TCP11L2: variants seen among roughly 807,000 people sequenced by gnomAD.
TCP11L2 encodes t-complex 11 like 2, also known as T-complex protein 11-like protein 2.
In TCP11L2, 39 loss-of-function variants were observed where a neutral mutation model predicts 50.7. That is an observed-to-expected ratio of 0.77 (90% CI 0.60 to 1.01). The LOEUF is 1.01. TCP11L2 is among the 50% of genes least tolerant of loss of function. TCP11L2 has a pLI of 0.00. For missense variants in TCP11L2, 612 were observed against 614.7 expected, an observed-to-expected ratio of 1.00 and a Z score of 0.05; for synonymous variants, 192 against 219.3, an observed-to-expected ratio of 0.88 and a Z score of 1.10.
At chr12:106,342,070 G>T (rs1434187862) in intron 9 of TCP11L2, among the ~76,000 whole-genome samples, 1 of 152,194 alleles carries the variant, frequency 6.6e-6, no homozygotes, top group Admixed American at 6.5e-5. Flanking sequence ...GTACAAAGCA[G>T]TTGTCTACTA....
intron 3 of TCP11L2, among the ~76,000 whole-genome samples, chr12:106,317,841 C>T (rs534518988): frequency 3.3e-5 from 5 of 152,184 alleles, no homozygotes; most frequent in African/African-American, 1.2e-4. Flanking sequence ...TGAGCTCTTC[C>T]TAGGAAGGCT....
intron 3 of TCP11L2, among the ~76,000 whole-genome samples, chr12:106,316,517 A>C (rs1474185862): frequency 6.6e-6 from 1 of 151,868 alleles, no homozygotes; most frequent in Non-Finnish European, 1.5e-5. Flanking sequence ...CTTCTTTTTG[A>C]ATGTTCTTTT....
intron 2 of TCP11L2, chr12:106,312,194 T>TACTTTAC (rs1252112806): frequency 2.6e-6 from 1 of 389,674 alleles, no homozygotes; most frequent in Non-Finnish European, 4.9e-6. Context: ...GAATACTTAT[T>TACTTTAC]ACTTTACCAA....
At position 106,341,018 on chromosome 12, in the gene TCP11L2, T is replaced by G. The variant is rs755680207; in HGVS notation, c.1315+20T>G. 1.3e-6 allele frequency: 2 copies of G among 1,581,706 alleles called. No individual in the cohort carries two copies. The highest frequency in any genetic ancestry group is 1.4e-5 in the African/African-American group (1 of 73,448). ...TGATTGGTGAGTCCTTTTATTGATT[T>G]CTGCTTCAATTCCAATTTGCTTTAA... On this transcript the variant is annotated intron_variant, in intron 9 of 9. Coordinates refer to ENST00000299045, the MANE Select transcript of TCP11L2 (RefSeq NM_152772.3).
Position 106,318,448 on chromosome 12 carries a change from T to A in TCP11L2, c.398T>A (p.Phe133Tyr), listed in dbSNP as rs1378714556. The A allele has an allele frequency of 6.2e-7, 1 of 1,613,796 alleles. No homozygotes were observed. The highest frequency in any genetic ancestry group is 8.5e-7 in the Non-Finnish European group (1 of 1,179,832). The part of the protein sequence containing the change: ...PPEFEHAIKL[F>Y]EEIREILLSF... ...GAGTTTGAACATGCCATCAAACTGT[T>A]TGAAGAAATCAGAGAGGCAAGTTGC... Residue 133 changes from phenylalanine to tyrosine, a missense_variant, in exon 4 of 10, where the codon TTT (phenylalanine) becomes TAT (tyrosine). Physicochemically the swap from Phe to Tyr is conservative, Grantham distance 22 (BLOSUM62 3). Coordinates refer to ENST00000299045, the MANE Select transcript of TCP11L2 (RefSeq NM_152772.3).
chr12:106,338,123 A>T (rs1481147153), intron 8 of TCP11L2, among the ~76,000 whole-genome samples: 1 of 152,204 alleles, frequency 6.6e-6, no homozygotes, highest in Non-Finnish European at 1.5e-5. Context: ...ACTTTTTTTG[A>T]AGAGCTGAAA....
At chr12:106,326,140 A>G (rs2035537844) in intron 6 of TCP11L2, among the ~76,000 whole-genome samples, 2 of 152,158 alleles carry the variant, frequency 1.3e-5, no homozygotes, top group Non-Finnish European at 1.5e-5. Context: ...ATTAACCACT[A>G]TTTAAGGCTG....
chr12:106,345,491 G>T (rs1192285548), intron 9 of TCP11L2, among the ~76,000 whole-genome samples: 1 of 152,192 alleles, frequency 6.6e-6, no homozygotes, highest in Non-Finnish European at 1.5e-5. Context: ...ATTTCTATGT[G>T]AAATCTCCTG....
chr12:106,302,611 TCTCTGGTTCAAA>T (rs932172623), upstream of TCP11L2, among the ~76,000 whole-genome samples: 1 of 151,564 alleles, frequency 6.6e-6, no homozygotes, highest in African/African-American at 2.4e-5. Context: ...GTTCTCGGCC[TCTCTGGTTCAAA>T]CTGACGAAGA....
chr12:106,335,696 C>T lies in TCP11L2; in HGVS notation c.830C>T (p.Ser277Phe). Residue 277 changes from serine to phenylalanine, a missense_variant, in exon 7 of 10, where the codon TCT becomes TTT. Transcript: ENST00000299045. Reference sequence around the variant, plus strand: ...GAATCTGTAAATGAAGAATTATTTTCTCTTTCTGAGAGTGCTTTAACTCCT... The same window carrying T: ...GAATCTGTAAATGAAGAATTATTTTTTCTTTCTGAGAGTGCTTTAACTCCT... ...IKESVNEELF[S>F]LSESALTPGA... is the part of the protein sequence containing the mutation. 2 of 1,614,178 alleles carry T rather than the reference C, an allele frequency of 1.2e-6. No homozygotes were observed. The highest frequency in any genetic ancestry group is 1.7e-6 in the Non-Finnish European group (2 of 1,180,034).
At chr12:106,301,042 T>A (rs76657992), upstream of TCP11L2, among the ~76,000 whole-genome samples, 1 of 152,204 alleles carries the variant, frequency 6.6e-6, no homozygotes, top group African/African-American at 2.4e-5. Flanking sequence ...TGGGTGTTCA[T>A]CTTTCTATTG....
At position 106,323,775 on chromosome 12, in the gene TCP11L2, A is replaced by G. The variant is rs187500023; in HGVS notation, c.772+129A>G. On this transcript the variant is annotated intron_variant, in intron 6 of 9. Coordinates refer to ENST00000299045, the MANE Select transcript of TCP11L2 (RefSeq NM_152772.3). ...ATAAATAAAATTTAATTTAATTTAAATTAATTAAAATTTAAAATGTTAAAG... is the reference window on the plus strand; with the variant it reads ...ATAAATAAAATTTAATTTAATTTAAGTTAATTAAAATTTAAAATGTTAAAG... The G allele has an allele frequency of 8.2e-4, 390 of 476,730 alleles. 1 individual carries two copies. Among genetic ancestry groups the G allele is most frequent in the African/African-American group, 7.3e-3 (357 of 49,072 alleles). 29.5% of individuals were successfully genotyped at this position (476,730 alleles called of 1,614,324 possible). A position where few individuals can be genotyped will look rare whatever the true frequency, so the allele number is the denominator to read the frequency against.
At chr12:106,328,400 C>T (rs775496301) in intron 6 of TCP11L2, among the ~76,000 whole-genome samples, 6 of 152,084 alleles carry the variant, frequency 3.9e-5, no homozygotes, top group Non-Finnish European at 5.9e-5. Flanking sequence ...AAAAATTAGC[C>T]GGGTGTGGTG....
intron 2 of TCP11L2, 33 bp from the exon 3 acceptor site, chr12:106,314,325 T>G: frequency 1.3e-6 from 2 of 1,589,466 alleles, no homozygotes; most frequent in Non-Finnish European, 1.7e-6. Context: ...ACTTTTCTTC[T>G]GCAACATTAA....
intron 8 of TCP11L2, among the ~76,000 whole-genome samples, chr12:106,339,783 A>C (rs1451308040): frequency 1.3e-5 from 2 of 152,234 alleles, no homozygotes; most frequent in Non-Finnish European, 2.9e-5. Flanking sequence ...GGAAGGTAAA[A>C]ATTTTATTAC....
intron 6 of TCP11L2, chr12:106,330,295 G>A (rs1269638902): frequency 2.0e-6 from 2 of 985,140 alleles, no homozygotes; most frequent in African/African-American, 1.7e-5. Flanking sequence ...ACTACTTAGA[G>A]CAAAAGTAAA....
intron 6 of TCP11L2, among the ~76,000 whole-genome samples, chr12:106,333,688 G>T (rs187420374): frequency 3.5e-4 from 53 of 152,074 alleles, no homozygotes; most frequent in Middle Eastern, 3.4e-3. Context: ...ATTATAAAAA[G>T]TAAAGGTAAA....
intron 5 of TCP11L2, 119 bp from the exon 6 acceptor site, chr12:106,323,387 CAATT>C: frequency 3.9e-6 from 3 of 770,412 alleles, no homozygotes; most frequent in Non-Finnish European, 5.8e-6. Flanking sequence ...TACCAAATGG[CAATT>C]GGAACTTTAA....
chr12:106,329,352 C>T (rs951145596), intron 6 of TCP11L2: 85 of 1,535,932 alleles, frequency 5.5e-5, no homozygotes, highest in Non-Finnish European at 7.2e-5. Flanking sequence ...TTGCAGGTGC[C>T]TCATGAGGCT....
Sources: allele counts gnomAD v4.1 joint callset (sites outside exome capture counted in the v4.1 genomes callset), GRCh38; gene constraint gnomAD v4.1.1; transcripts MANE v1.5; gene names NCBI Gene and HGNC (gene_info 2026-07-23, HGNC 2026-07-21).